Variants in OSBPL8 observed in about 807,000 individuals in gnomAD.
OSBPL8 encodes oxysterol binding protein like 8, also known as oxysterol-binding protein-related protein 8.
Under a neutral mutation model 125.5 loss-of-function variants are expected in OSBPL8, and 59 were observed. The observed-to-expected ratio is 0.47, with a 90% confidence interval of 0.38 to 0.58. The LOEUF is 0.58. OSBPL8 is among the 20% of genes least tolerant of loss of function. OSBPL8 has a pLI of 0.00. For synonymous variants in OSBPL8, 330 were observed against 338.9 expected, an observed-to-expected ratio of 0.97 and a Z score of 0.29; for missense variants, 758 against 1,047.8, an observed-to-expected ratio of 0.72 and a Z score of 3.82.
chr12:76,502,046 C>T (rs1284477270), intron 1 of OSBPL8, among the ~76,000 whole-genome samples: 2 of 152,128 alleles, frequency 1.3e-5, no homozygotes, highest in Admixed American at 1.3e-4. Context: ...TACCATGTTC[C>T]CCAACATCAT....
intron 1 of OSBPL8, among the ~76,000 whole-genome samples, chr12:76,491,492 G>C (rs1486098741): frequency 6.6e-6 from 1 of 152,204 alleles, no homozygotes; most frequent in African/African-American, 2.4e-5. Context: ...ATTGGACTTT[G>C]TAAGGTTGAC....
intron 4 of OSBPL8, among the ~76,000 whole-genome samples, chr12:76,420,525 G>C (rs1007653465): frequency 4.6e-5 from 7 of 151,958 alleles, no homozygotes; most frequent in Non-Finnish European, 1.0e-4. Flanking sequence ...AAAGAAAAAG[G>C]TTATGCTGAC....
intron 2 of OSBPL8, among the ~76,000 whole-genome samples, chr12:76,483,752 G>A (rs369944420): frequency 8.1e-6 from 1 of 122,850 alleles, no homozygotes; most frequent in Non-Finnish European, 1.6e-5. Flanking sequence ...TCAGCTCACT[G>A]CAACTTCAGC....
At chr12:76,393,562 T>C (rs1953655219) in intron 9 of OSBPL8, among the ~76,000 whole-genome samples, 1 of 146,790 alleles carries the variant, frequency 6.8e-6, no homozygotes, top group Non-Finnish European at 1.5e-5. Flanking sequence ...TACACAAAAA[T>C]TAGCCGGGTG....
intron 21 of OSBPL8, among the ~76,000 whole-genome samples, chr12:76,367,127 T>C (rs1258685380): frequency 1.3e-5 from 2 of 152,160 alleles, no homozygotes; most frequent in African/African-American, 2.4e-5. Context: ...GTTCTACCCA[T>C]TATTAAAAGT....
intron 12 of OSBPL8, among the ~76,000 whole-genome samples, chr12:76,388,090 T>C (rs772825437): frequency 2.6e-5 from 4 of 152,220 alleles, no homozygotes; most frequent in Admixed American, 6.5e-5. Flanking sequence ...TGGAGGTCCC[T>C]ACAGATCAGT....
chr12:76,448,067 T>C (rs1322366853), intron 4 of OSBPL8, among the ~76,000 whole-genome samples: 2 of 152,170 alleles, frequency 1.3e-5, no homozygotes, highest in Non-Finnish European at 2.9e-5. Flanking sequence ...TTGTTAGATG[T>C]AATAAAGGTT....
At chr12:76,497,636 A>G (rs1436054697) in intron 1 of OSBPL8, among the ~76,000 whole-genome samples, 1 of 152,132 alleles carries the variant, frequency 6.6e-6, no homozygotes, top group African/African-American at 2.4e-5. Context: ...ATTCTTCTCT[A>G]CGTGGTTTTT....
At chr12:76,520,586 A>G (rs1396914121) in intron 1 of OSBPL8, among the ~76,000 whole-genome samples, 2 of 152,174 alleles carry the variant, frequency 1.3e-5, no homozygotes, top group Non-Finnish European at 2.9e-5. Context: ...GCAGTTAGCC[A>G]AACAAAGTAT....
At chr12:76,494,744 G>A (rs1449770601) in intron 1 of OSBPL8, among the ~76,000 whole-genome samples, 2 of 152,158 alleles carry the variant, frequency 1.3e-5, no homozygotes, top group Non-Finnish European at 2.9e-5. Flanking sequence ...CAGGGCAGAG[G>A]ATAACCAAAA....
At position 76,369,340 on chromosome 12, in the gene OSBPL8, A is replaced by C. The variant is rs750422072; in HGVS notation, c.2241-39T>G. The C allele has an allele frequency of 2.6e-6, 4 of 1,565,674 alleles. No homozygotes were observed. The South Asian group carries it at 4.9e-5, about 19-fold the overall frequency. ...AAAAAAAAAAACCATTTGCTCAATGACTAAACAAAGAACTTTAAAACTTTC... is the reference window on the plus strand; with the variant it reads ...AAAAAAAAAAACCATTTGCTCAATGCCTAAACAAAGAACTTTAAAACTTTC... On this transcript the variant is annotated intron_variant, in intron 20 of 23. Transcript: ENST00000261183.
intron 4 of OSBPL8, among the ~76,000 whole-genome samples, chr12:76,416,406 A>G (rs1408503143): frequency 6.6e-6 from 1 of 152,092 alleles, no homozygotes; most frequent in Non-Finnish European, 1.5e-5. Flanking sequence ...ATAAAGTTCT[A>G]TATTTGTCCA....
At chr12:76,476,903 T>A (rs963054201) in intron 2 of OSBPL8, among the ~76,000 whole-genome samples, 1 of 151,976 alleles carries the variant, frequency 6.6e-6, no homozygotes, top group African/African-American at 2.4e-5. Flanking sequence ...TTAAAACTAA[T>A]GAAAAGTAAG....
At chr12:76,478,066 T>C (rs148979308) in intron 2 of OSBPL8, among the ~76,000 whole-genome samples, 23 of 151,954 alleles carry the variant, frequency 1.5e-4, no homozygotes, top group Admixed American at 9.2e-4. Context: ...TAGCCAGGCA[T>C]GGTGGTGCGC....
intron 1 of OSBPL8, among the ~76,000 whole-genome samples, chr12:76,514,247 C>G (rs572647826): frequency 1.3e-5 from 2 of 151,980 alleles, no homozygotes; most frequent in Non-Finnish European, 2.9e-5. Context: ...CGGGTTCAAG[C>G]GATTCTCCTG....
intron 5 of OSBPL8, among the ~76,000 whole-genome samples, chr12:76,407,652 T>C (rs547630196): frequency 1.3e-5 from 2 of 152,218 alleles, no homozygotes; most frequent in Admixed American, 6.5e-5. Context: ...AAGTTTCAGC[T>C]CTTGGAAAAT....
intron 21 of OSBPL8, among the ~76,000 whole-genome samples, chr12:76,360,182 G>A (rs902180855): frequency 5.3e-5 from 8 of 152,294 alleles, no homozygotes; most frequent in African/African-American, 1.9e-4. Context: ...ATACAATGGG[G>A]GTACAGGCAT....
chr12:76,517,298 G>A (rs1881641576), intron 1 of OSBPL8, among the ~76,000 whole-genome samples: 1 of 152,000 alleles, frequency 6.6e-6, no homozygotes, highest in African/African-American at 2.4e-5. Flanking sequence ...GCCTTTTAGA[G>A]GACTCAAACT....
intron 3 of OSBPL8, among the ~76,000 whole-genome samples, chr12:76,456,094 A>C (rs1163857338): frequency 6.6e-6 from 1 of 152,232 alleles, no homozygotes; most frequent in Non-Finnish European, 1.5e-5. Context: ...TTCTGAATTC[A>C]ACTCATCAAT....
Sources: gnomAD v4.1 joint callset for allele counts (sites outside exome capture counted in the v4.1 genomes callset) on GRCh38, gnomAD v4.1.1 for gene constraint, MANE v1.5 for transcripts, NCBI Gene and HGNC (gene_info 2026-07-23, HGNC 2026-07-21) for gene names.